DNM1: variants seen among roughly 807,000 people sequenced by gnomAD.
DNM1 encodes the protein dynamin-1.
DNM1 carries 29 observed loss-of-function variants against 104.6 expected under a neutral mutation model. The observed-to-expected ratio is 0.28, with a 90% CI of 0.21 to 0.38. DNM1 has a LOEUF of 0.38. DNM1 is among the 10% of genes least tolerant of loss of function. The pLI is 1.00. For synonymous variants in DNM1, 445 were observed against 475.8 expected (o/e 0.94, Z 0.84); for missense variants, 640 against 1,189.4 (o/e 0.54, Z 6.79).
At chr9:128,226,259 C>T (rs567585289) in intron 10 of DNM1, 38 of 1,560,332 alleles carry the variant, frequency 2.4e-5, no homozygotes, top group Middle Eastern at 3.4e-4. Flanking sequence ...TCTGCTGAGC[C>T]GGCCTCACGG....
Position 128,248,561 on chromosome 9 carries a change from G to T in DNM1, c.1906-22G>T. 1 of 1,606,242 alleles carries T rather than the reference G, an allele frequency of 6.2e-7. No homozygotes were observed. ...TGGCTGCATGGCCTGGCCACCTGAT[G>T]CCCTTGTGTTCTCCATGGCAGGCCA... On this transcript the variant is annotated intron_variant, in intron 18 of 21. Coordinates refer to ENST00000372923, the MANE Select transcript of DNM1 (RefSeq NM_004408.4). This position sits in a 1 kb window ranked among gnomAD's most constrained non-coding sequence, Gnocchi z 5.6.
In DNM1 at chr9:128,235,660, C is replaced by T. The variant is rs80222555; in HGVS notation, c.1422+1553C>T. 3.1e-4 allele frequency among the ~76,000 whole-genome samples: 47 copies of T among 152,296 alleles called. No homozygotes were observed. In the East Asian group the frequency reaches 8.9e-3, roughly 29 times the overall value. On this transcript the variant is annotated intron_variant, in intron 11 of 21. Coordinates refer to ENST00000372923, the MANE Select transcript of DNM1 (RefSeq NM_004408.4). ...TCCCTATCTGAGTCCCCACTTTCTA[C>T]CCTTTTGAGTATATACCTAAAAGTG...
intron 10 of DNM1, among the ~76,000 whole-genome samples, chr9:128,229,136 A>G (rs543467013): frequency 1.3e-5 from 2 of 152,290 alleles, no homozygotes; most frequent in East Asian, 3.9e-4. Flanking sequence ...TCACACCTGT[A>G]ATCCCAGAAC....
At chr9:128,214,100 A>C (rs538956855) in intron 1 of DNM1, among the ~76,000 whole-genome samples, 1 of 151,972 alleles carries the variant, frequency 6.6e-6, no homozygotes, top group Non-Finnish European at 1.5e-5. Context: ...ATCTGGCTGG[A>C]AATATCCTGC....
chr9:128,233,943 C>A, intron 10 of DNM1, 78 bp from the exon 11 acceptor site: 8 of 1,327,246 alleles, frequency 6.0e-6, no homozygotes, highest in Non-Finnish European at 8.5e-6. Flanking sequence ...GCCGCGGATC[C>A]CTGGACTCGT....
At chr9:128,241,637 C>T (rs1441767208) in intron 14 of DNM1, among the ~76,000 whole-genome samples, 6 of 152,168 alleles carry the variant, frequency 3.9e-5, no homozygotes, top group Non-Finnish European at 7.4e-5. Context: ...CACACACGCA[C>T]GTAGAGAAGT....
Position 128,220,850 on chromosome 9 carries a change from G to T in DNM1, c.849+509G>T, listed in dbSNP as rs1292117846. Among the ~76,000 whole-genome samples the T allele has an allele frequency of 6.7e-6, 1 of 148,332 alleles. No homozygotes were observed. The highest frequency in any genetic ancestry group is 1.5e-5 in the Non-Finnish European group (1 of 66,712). On this transcript the variant is annotated intron_variant, in intron 6 of 21. Transcript: ENST00000372923. The surrounding 1 kb of genome is among the most constrained non-coding windows in gnomAD (Gnocchi z 5.2). ...CTCCCCCTCTGAGACACTCTCTCTGGCTCTCTGAGCCTCTATTTCTTTTTT... is the reference window on the plus strand; with the variant it reads ...CTCCCCCTCTGAGACACTCTCTCTGTCTCTCTGAGCCTCTATTTCTTTTTT...
At chr9:128,244,523 C>T (rs1441086625) in intron 15 of DNM1, among the ~76,000 whole-genome samples, 3 of 151,860 alleles carry the variant, frequency 2.0e-5, no homozygotes, top group Admixed American at 2.0e-4. Flanking sequence ...CCCCAGTCCC[C>T]ATTGACCCCC....
chr9:128,250,580 T>C, intron 20 of DNM1, 145 bp from the exon 21 acceptor site: 1 of 968,508 alleles, frequency 1.0e-6, no homozygotes, highest in Non-Finnish European at 1.4e-6. Context: ...GGGGCGGGGC[T>C]TAAGCTCCGG....
At position 128,222,646 on chromosome 9, in the gene DNM1, T is replaced by C; in HGVS notation, c.1128+50T>C. On this transcript the variant is annotated intron_variant, in intron 8 of 21. Transcript: ENST00000372923. The surrounding 1 kb of genome is among the most constrained non-coding windows in gnomAD (Gnocchi z 7.8). ...GGATGGCTCAGGACTCCCCCCACCC[T>C]CACTCAGGACTCTCTCTGCGTGTGT... The C allele has an allele frequency of 6.2e-7, 1 of 1,609,978 alleles. No individual in the cohort carries two copies.
chr9:128,204,210 T>A (rs1439735234), intron 1 of DNM1: 2 of 152,474 alleles, frequency 1.3e-5, no homozygotes, highest in East Asian at 3.9e-4. Context: ...CCGCCATCCG[T>A]GCGCAGCGCG....
chr9:128,220,011 A>G lies in DNM1; in HGVS notation c.613A>G (p.Thr205Ala). 1 of 1,594,992 alleles carries G rather than the reference A, an allele frequency of 6.3e-7. No homozygotes were observed. The highest frequency in any genetic ancestry group is 1.1e-5 in the South Asian group (1 of 88,712). The change falls in exon 5 of 22, where the codon ACC becomes GCC. Residue 205 changes from threonine (T) to alanine (A), a missense_variant. By Grantham distance (58) the Thr-to-Ala change is moderately conservative (BLOSUM62 0). This residue lies in a region of DNM1 where 172 missense variants were observed against 335.3 expected (regional missense o/e 0.51). Coordinates refer to ENST00000372923, the MANE Select transcript of DNM1 (RefSeq NM_004408.4). The surrounding 1 kb of genome is among the most constrained non-coding windows in gnomAD (Gnocchi z 5.2). ...AGGCCAGCGCACCATCGGGGTCATCACCAAGCTGGACCTGATGGACGAGGG... is the reference window on the plus strand; with the variant it reads ...AGGCCAGCGCACCATCGGGGTCATCGCCAAGCTGGACCTGATGGACGAGGG... ...PQGQRTIGVI[T>A]KLDLMDEGTD...
In DNM1 at chr9:128,253,250, C is replaced by T. The variant is rs560899726; in HGVS notation, c.2535-1404C>T. On this transcript the variant is annotated intron_variant, in intron 21 of 21. Coordinates refer to ENST00000372923, the MANE Select transcript of DNM1 (RefSeq NM_004408.4). This position sits in a 1 kb window ranked among gnomAD's most constrained non-coding sequence, Gnocchi z 5.9. The stretch of plus-strand genomic sequence containing the variant: ...GAGCCAGGCTCCCCGCCCCTCCCTT[C>T]TGCAGCTGCAGACTTGCTCTTTCCT... The T allele has an allele frequency of 4.5e-5, 43 of 950,384 alleles. No homozygotes were observed. The highest frequency in any genetic ancestry group is 4.3e-4 in the Admixed American group (21 of 49,294). The allele number at this position is 950,384 out of a possible 1,614,324, so 58.9% of individuals were successfully genotyped here.
At position 128,255,045 on chromosome 9, in the gene DNM1, C is replaced by T. The variant is rs999445218; in HGVS notation, c.*331C>T. ...GGCCCAACTACCAGAGAACGCTGTC[C>T]CCCGACATCCCACTCCAAAGTGTGC... On this transcript the variant is annotated 3_prime_UTR_variant, in exon 22 of 22. Coordinates refer to ENST00000372923, the MANE Select transcript of DNM1 (RefSeq NM_004408.4). The T allele has an allele frequency of 4.6e-6, 1 of 215,502 alleles. No individual in the cohort carries two copies. The highest frequency in any genetic ancestry group is 2.4e-5 in the African/African-American group (1 of 42,468). 13.3% of individuals were successfully genotyped at this position (215,502 alleles called of 1,614,324 possible). A position where few individuals can be genotyped will look rare whatever the true frequency, so the allele number is the denominator to read the frequency against.
chr9:128,211,472 C>CTTTT (rs56712140), intron 1 of DNM1, among the ~76,000 whole-genome samples: 5 of 78,118 alleles, frequency 6.4e-5, no homozygotes, highest in Non-Finnish European at 9.3e-5. Context: ...CTGGAAGCCT[C>CTTTT]TTTTTTTTTT....
intron 15 of DNM1, chr9:128,244,630 C>G: frequency 2.5e-6 from 1 of 395,208 alleles, no homozygotes; most frequent in East Asian, 7.2e-5. Context: ...GTGCCTCCTC[C>G]CAGCCCGCCC....
intron 1 of DNM1, among the ~76,000 whole-genome samples, chr9:128,208,955 C>T (rs1048238493): frequency 1.3e-5 from 2 of 152,068 alleles, no homozygotes; most frequent in African/African-American, 2.4e-5. Context: ...AAGAGCCCAA[C>T]GGGTTTGAGA....
chr9:128,226,688 T>C (rs1376956718), intron 10 of DNM1, among the ~76,000 whole-genome samples: 1 of 152,232 alleles, frequency 6.6e-6, no homozygotes, highest in African/African-American at 2.4e-5. Flanking sequence ...TGAAAGCATA[T>C]TGGATTACTC....
Position 128,253,857 on chromosome 9 carries a change from G to C in DNM1, c.2535-797G>C, listed in dbSNP as rs1008797024. 2.6e-6 allele frequency: 3 copies of C among 1,169,392 alleles called. No homozygotes were observed. In the African/African-American group the frequency reaches 4.8e-5, roughly 19 times the overall value. The allele number at this position is 1,169,392 out of a possible 1,614,324, so 72.4% of individuals were successfully genotyped here. A position where few individuals can be genotyped will look rare whatever the true frequency, so the allele number is the denominator to read the frequency against. On this transcript the variant is annotated intron_variant, in intron 21 of 21. Transcript: ENST00000372923. The surrounding 1 kb of genome is among the most constrained non-coding windows in gnomAD (Gnocchi z 5.9). ...AGCTGAAGCACCGTAGCCAGCCAGC[G>C]GGCTCACGCACCTTGGCCTGTTGCT... is the stretch of plus-strand genomic sequence containing the variant.
Sources: gnomAD v4.1 joint callset for allele counts (sites outside exome capture counted in the v4.1 genomes callset) on GRCh38, gnomAD v4.1.1 for gene constraint, gnomAD v4.1.1 regional missense constraint, Gnocchi (gnomAD v3.1) non-coding constraint, MANE v1.5 for transcripts, NCBI Gene and HGNC (gene_info 2026-07-23, HGNC 2026-07-21) for gene names.